KIF6: variants seen among roughly 807,000 people sequenced by gnomAD.
KIF6 encodes the protein kinesin-like protein KIF6.
In KIF6, 106 loss-of-function variants were observed where a neutral mutation model predicts 112.7. That is an observed-to-expected ratio of 0.94 (90% CI 0.80 to 1.11). The LOEUF (loss-of-function observed/expected upper bound fraction) is 1.11, where lower values mean the gene tolerates loss of function less well. Among genes scored for constraint, KIF6 ranks in the 50% least tolerant of loss-of-function variants. KIF6 has a pLI of 0.00. For synonymous variants in KIF6, 339 were observed against 339.9 expected (o/e 1.00, Z 0.03); for missense variants, 929 against 964.0 (o/e 0.96, Z 0.48).
At chr6:39,454,253 C>T (rs796533652) in intron 13 of KIF6, among the ~76,000 whole-genome samples, 15 of 151,860 alleles carry the variant, frequency 9.9e-5, no homozygotes, top group African/African-American at 3.4e-4. Context: ...GAAAGTCACT[C>T]AAAATGCAGT....
At chr6:39,348,174 G>A (rs984432811) in intron 19 of KIF6, among the ~76,000 whole-genome samples, 7 of 152,228 alleles carry the variant, frequency 4.6e-5, no homozygotes, top group Admixed American at 3.9e-4. Flanking sequence ...TTTGGAAGCT[G>A]TAGCAAATTT....
chr6:39,496,290 C>T (rs1775778970), intron 13 of KIF6, among the ~76,000 whole-genome samples: 1 of 152,212 alleles, frequency 6.6e-6, no homozygotes, highest in African/African-American at 2.4e-5. Context: ...ACAGGGGAGG[C>T]AGAACCTTCC....
chr6:39,485,186 A>G (rs914342411), intron 13 of KIF6, among the ~76,000 whole-genome samples: 3 of 152,102 alleles, frequency 2.0e-5, no homozygotes, highest in Non-Finnish European at 4.4e-5. Flanking sequence ...AGCTGGTGCA[A>G]TCTACACATA....
At chr6:39,576,063 C>A (rs1780956227) in intron 10 of KIF6, among the ~76,000 whole-genome samples, 1 of 152,206 alleles carries the variant, frequency 6.6e-6, no homozygotes, top group Non-Finnish European at 1.5e-5. Flanking sequence ...TATTCAAAAT[C>A]TTACCCTTAA....
At chr6:39,387,962 C>A (rs759248605) in intron 15 of KIF6, among the ~76,000 whole-genome samples, 1 of 152,154 alleles carries the variant, frequency 6.6e-6, no homozygotes, top group South Asian at 2.1e-4. Flanking sequence ...GGTGCCCTGC[C>A]TGTTTCCTGG....
chr6:39,491,306 T>A (rs980472536), intron 13 of KIF6, among the ~76,000 whole-genome samples: 1 of 152,018 alleles, frequency 6.6e-6, no homozygotes, highest in African/African-American at 2.4e-5. Flanking sequence ...GGAGAGGCCC[T>A]GAGCCAGTGT....
chr6:39,549,129 T>C (rs1047977913), intron 10 of KIF6, among the ~76,000 whole-genome samples: 10 of 152,252 alleles, frequency 6.6e-5, no homozygotes, highest in African/African-American at 2.2e-4. Flanking sequence ...GAAATTTTGA[T>C]ATATGGCCAC....
At chr6:39,454,990 G>C (rs1490498829) in intron 13 of KIF6, among the ~76,000 whole-genome samples, 2 of 148,700 alleles carry the variant, frequency 1.3e-5, no homozygotes, top group Non-Finnish European at 1.5e-5. Context: ...CAAAGCAGCC[G>C]GGAAGCTCGA....
chr6:39,707,276 T>C (rs1789269197), intron 3 of KIF6, among the ~76,000 whole-genome samples: 1 of 152,166 alleles, frequency 6.6e-6, no homozygotes. Context: ...TTAAAACACA[T>C]AGGGGTGGAG....
chr6:39,384,004 G>C (rs774190018), intron 16 of KIF6, among the ~76,000 whole-genome samples: 3 of 152,228 alleles, frequency 2.0e-5, no homozygotes, highest in Non-Finnish European at 4.4e-5. Flanking sequence ...TTTGTATCCT[G>C]AGACTTTGCT....
chr6:39,698,739 C>T (rs1362759795), intron 3 of KIF6, among the ~76,000 whole-genome samples: 1 of 152,162 alleles, frequency 6.6e-6, no homozygotes, highest in East Asian at 1.9e-4. Context: ...TATTTTACAA[C>T]TGTTTTAGCT....
At chr6:39,561,989 T>C (rs1333195237) in intron 10 of KIF6, among the ~76,000 whole-genome samples, 2 of 152,246 alleles carry the variant, frequency 1.3e-5, no homozygotes, top group Non-Finnish European at 2.9e-5. Flanking sequence ...TATTCTTCTT[T>C]GGCTGATGAC....
intron 13 of KIF6, among the ~76,000 whole-genome samples, chr6:39,498,212 T>C (rs1775897304): frequency 6.6e-6 from 1 of 152,204 alleles, no homozygotes; most frequent in Admixed American, 6.5e-5. Flanking sequence ...TTCCAATGAT[T>C]CAGATGCAGC....
intron 13 of KIF6, among the ~76,000 whole-genome samples, chr6:39,505,701 C>T (rs1239111771): frequency 6.6e-6 from 1 of 152,152 alleles, no homozygotes; most frequent in African/African-American, 2.4e-5. Context: ...AGGACATGAA[C>T]AGACACTTCT....
At chr6:39,474,497 A>G (rs1774309519) in intron 13 of KIF6, among the ~76,000 whole-genome samples, 1 of 152,264 alleles carries the variant, frequency 6.6e-6, no homozygotes, top group South Asian at 2.1e-4. Flanking sequence ...GTGTTCAATA[A>G]ATCTTCCTTC....
rs1047421242 is a variant in KIF6, at chr6:39,331,178, C to G, written c.*5354G>C. On this transcript the variant is annotated 3_prime_UTR_variant, in exon 23 of 23. Transcript: ENST00000287152. Reference sequence around the variant, plus strand: ...CCTACCCCACCCCCAACTCCTTCTTCTTTTTCTGAGACAGGGTCTTGCTCT... The same window carrying G: ...CCTACCCCACCCCCAACTCCTTCTTGTTTTTCTGAGACAGGGTCTTGCTCT... The G allele has an allele frequency of 6.5e-6, 1 of 152,750 alleles. No individual in the cohort carries two copies. Among genetic ancestry groups the G allele is most frequent in the African/African-American group, 2.4e-5 (1 of 41,416 alleles). 9.5% of individuals were successfully genotyped at this position (152,750 alleles called of 1,614,324 possible). A position where few individuals can be genotyped will look rare whatever the true frequency, so the allele number is the denominator to read the frequency against.
chr6:39,552,030 C>T (rs1235370526), intron 10 of KIF6, among the ~76,000 whole-genome samples: 1 of 152,188 alleles, frequency 6.6e-6, no homozygotes, highest in African/African-American at 2.4e-5. Context: ...GAGTCAGAAT[C>T]TACATTTAAC....
chr6:39,668,701 G>A (rs759003727), intron 3 of KIF6, among the ~76,000 whole-genome samples: 8 of 151,950 alleles, frequency 5.3e-5, no homozygotes, highest in Non-Finnish European at 7.4e-5. Context: ...GTTCTGCCTC[G>A]CCAGATCCTC....
chr6:39,345,444 G>A (rs890666232), intron 21 of KIF6, among the ~76,000 whole-genome samples: 6 of 152,210 alleles, frequency 3.9e-5, no homozygotes, highest in African/African-American at 7.2e-5. Context: ...CCCCAGGTAC[G>A]TCTATTCACA....
Sources: gnomAD v4.1 joint callset for allele counts (sites outside exome capture counted in the v4.1 genomes callset) on GRCh38, gnomAD v4.1.1 for gene constraint, MANE v1.5 for transcripts, NCBI Gene and HGNC (gene_info 2026-07-23, HGNC 2026-07-21) for gene names.